Variants in CNTNAP2 observed in about 807,000 individuals in gnomAD.
CNTNAP2 encodes contactin associated protein 2.
A neutral mutation model predicts 155.2 loss-of-function variants in CNTNAP2; 98 were observed. The ratio of observed to expected loss-of-function variants is 0.63; its 90% CI spans 0.54 to 0.75. CNTNAP2 has a LOEUF of 0.75. Ranked by LOEUF, CNTNAP2 falls within the 30% of genes least tolerant of loss-of-function variation. The probability of loss-of-function intolerance (pLI) is 0.00; values close to 1 mark genes in which losing one functional copy is unlikely to be tolerated. For missense variants in CNTNAP2, 1,727 were observed against 1,688.1 expected, an observed-to-expected ratio of 1.02 and a Z score of -0.40; for synonymous variants, 651 against 631.2, an observed-to-expected ratio of 1.03 and a Z score of -0.47.
intron 2 of CNTNAP2, among the ~76,000 whole-genome samples, chr7:146,795,988 A>G (rs746368463): frequency 5.5e-4 from 84 of 152,258 alleles, no homozygotes; most frequent in Non-Finnish European, 9.8e-4. Flanking sequence ...ATACACTTCA[A>G]GTAAATACAC....
intron 3 of CNTNAP2, among the ~76,000 whole-genome samples, chr7:146,902,978 A>G (rs530022946): frequency 4.6e-5 from 7 of 152,342 alleles, no homozygotes; most frequent in Admixed American, 3.3e-4. Context: ...CGAGTAGAGC[A>G]TGCAGACTGC....
chr7:146,723,939 TTTTTGTTTTG>T (rs766743842), intron 1 of CNTNAP2, among the ~76,000 whole-genome samples: 4 of 152,118 alleles, frequency 2.6e-5, no homozygotes, highest in Admixed American at 6.6e-5. Flanking sequence ...TATTGAGGCT[TTTTTGTTTTG>T]TTTTGTTTTG....
Position 147,855,344 on chromosome 7 carries a change from A to G in CNTNAP2, c.2099-48221A>G, listed in dbSNP as rs75993979. On this transcript the variant is annotated intron_variant, in intron 13 of 23. Coordinates refer to ENST00000361727, the MANE Select transcript of CNTNAP2 (RefSeq NM_014141.6). ...ACTTAAGTGGAAGAAATCTCCCACCAAGAAGTTACTTACATTGCCAGGTGT... is the reference window on the plus strand; with the variant it reads ...ACTTAAGTGGAAGAAATCTCCCACCGAGAAGTTACTTACATTGCCAGGTGT... Among the ~76,000 whole-genome samples, 1,389 of 152,242 alleles carry G rather than the reference A, an allele frequency of 9.1e-3. 13 individuals carry two copies. Among genetic ancestry groups the G allele is most frequent in the African/African-American group, 0.031 (1,296 of 41,528 alleles).
intron 1 of CNTNAP2, among the ~76,000 whole-genome samples, chr7:146,214,493 A>G (rs1360332914): frequency 1.3e-5 from 2 of 152,206 alleles, no homozygotes; most frequent in African/African-American, 4.8e-5. Flanking sequence ...TGCATGGCAC[A>G]CTGAAGACAC....
intron 6 of CNTNAP2, among the ~76,000 whole-genome samples, chr7:147,123,966 C>G (rs1233067974): frequency 1.3e-5 from 2 of 152,172 alleles, no homozygotes; most frequent in Non-Finnish European, 2.9e-5. Flanking sequence ...CACTTGAACT[C>G]AGGAGGCAGA....
chr7:146,961,915 T>G lies in CNTNAP2; in HGVS notation c.403-81992T>G, dbSNP rs1797564376. 5.9e-5 allele frequency among the ~76,000 whole-genome samples: 9 copies of G among 152,240 alleles called. No homozygotes were observed. The South Asian group carries it at 1.9e-3, about 32-fold the overall frequency. On this transcript the variant is annotated intron_variant, in intron 3 of 23. Coordinates refer to ENST00000361727, the MANE Select transcript of CNTNAP2 (RefSeq NM_014141.6). ...TACGGTCTCTGAATGTGCTACAGAC[T>G]TGGAGTGACTAATGAGCTGCTTGAG... is the stretch of plus-strand genomic sequence containing the variant.
chr7:148,000,986 G>A (rs1801885810), intron 15 of CNTNAP2, among the ~76,000 whole-genome samples: 1 of 152,154 alleles, frequency 6.6e-6, no homozygotes, highest in Admixed American at 6.5e-5. Flanking sequence ...TCCCAACTCT[G>A]CCTGTCTCCA....
intron 14 of CNTNAP2, among the ~76,000 whole-genome samples, chr7:147,904,794 A>G (rs2116754315): frequency 6.6e-6 from 1 of 152,326 alleles, no homozygotes; most frequent in South Asian, 2.1e-4. Context: ...GTGTGTGTAT[A>G]TGTGTGTAAA....
chr7:147,336,769 T>C (rs1795671823), intron 9 of CNTNAP2, among the ~76,000 whole-genome samples: 2 of 152,148 alleles, frequency 1.3e-5, no homozygotes, highest in African/African-American at 4.8e-5. Context: ...GACCCAACTA[T>C]TGATTATCTC....
At chr7:146,776,496 A>C (rs575945223) in intron 2 of CNTNAP2, among the ~76,000 whole-genome samples, 21 of 152,326 alleles carry the variant, frequency 1.4e-4, no homozygotes, top group African/African-American at 5.1e-4. Flanking sequence ...CCATTTCCAT[A>C]TAAGACCTCG....
chr7:146,855,044 A>G (rs1406478280), intron 3 of CNTNAP2, among the ~76,000 whole-genome samples: 1 of 152,220 alleles, frequency 6.6e-6, no homozygotes, highest in Non-Finnish European at 1.5e-5. Context: ...AAAACATGAA[A>G]AGGAAACTCA....
At chr7:146,184,386 T>C (rs1315985750) in intron 1 of CNTNAP2, among the ~76,000 whole-genome samples, 2 of 152,126 alleles carry the variant, frequency 1.3e-5, no homozygotes, top group Admixed American at 1.3e-4. Flanking sequence ...TGACACTAAA[T>C]AGACTCCAAA....
chr7:147,385,251 C>T (rs1201659328), intron 9 of CNTNAP2, among the ~76,000 whole-genome samples: 2 of 152,140 alleles, frequency 1.3e-5, no homozygotes, highest in African/African-American at 4.8e-5. Context: ...CACAGCCAAA[C>T]CATATCATTC....
chr7:146,826,857 T>TATATATAGAGAGAG (rs773069615), intron 2 of CNTNAP2, among the ~76,000 whole-genome samples: 1 of 138,972 alleles, frequency 7.2e-6, no homozygotes, highest in African/African-American at 2.7e-5. Context: ...TATATATATA[T>TATATATAGAGAGAG]AGAGAGAGAG....
At chr7:146,201,456 G>A (rs1324617109) in intron 1 of CNTNAP2, among the ~76,000 whole-genome samples, 1 of 152,154 alleles carries the variant, frequency 6.6e-6, no homozygotes. Context: ...TCTGCTGGAT[G>A]TTCAAGATAC....
At chr7:146,889,861 C>T (rs1183023870) in intron 3 of CNTNAP2, among the ~76,000 whole-genome samples, 1 of 152,038 alleles carries the variant, frequency 6.6e-6, no homozygotes, top group African/African-American at 2.4e-5. Flanking sequence ...ATAATTTTAT[C>T]TAGGACTTTT....
intron 1 of CNTNAP2, among the ~76,000 whole-genome samples, chr7:146,716,217 A>AC (rs1157213319): frequency 7.3e-6 from 1 of 136,498 alleles, no homozygotes; most frequent in East Asian, 1.9e-4. Context: ...CTGCAGGAAA[A>AC]AAAAAAAAAA....
chr7:146,773,520 C>T (rs555672221), intron 1 of CNTNAP2, among the ~76,000 whole-genome samples: 7 of 152,314 alleles, frequency 4.6e-5, no homozygotes, highest in African/African-American at 7.2e-5. Flanking sequence ...CTCAGCCTCC[C>T]GAATACCTGG....
chr7:148,009,134 G>A (rs1048596892), intron 15 of CNTNAP2, among the ~76,000 whole-genome samples: 13 of 152,264 alleles, frequency 8.5e-5, no homozygotes, highest in Admixed American at 3.9e-4. Context: ...TTGAAAATTC[G>A]TTTAATACAC....
Sources: gnomAD v4.1 joint callset for allele counts (sites outside exome capture counted in the v4.1 genomes callset) on GRCh38, gnomAD v4.1.1 for gene constraint, MANE v1.5 for transcripts, NCBI Gene and HGNC (gene_info 2026-07-23, HGNC 2026-07-21) for gene names.